HMCN1: variants seen among roughly 807,000 people sequenced by gnomAD.
The protein encoded by HMCN1 is hemicentin 1.
In HMCN1, 321 loss-of-function variants were observed where a neutral mutation model predicts 625.9. The ratio of observed to expected loss-of-function variants is 0.51; its 90% CI spans 0.47 to 0.56. The LOEUF (loss-of-function observed/expected upper bound fraction) is 0.56, where lower values mean the gene tolerates loss of function less well. Among genes scored for constraint, HMCN1 ranks in the 20% least tolerant of loss-of-function variants. The pLI is 0.00. For missense variants in HMCN1, 6,588 were observed against 6,887.3 expected (o/e 0.96, Z 1.54); for synonymous variants, 2,425 against 2,417.6 (o/e 1.00, Z -0.09).
chr1:185,964,029 G>A (rs941619545), intron 13 of HMCN1, 134 bp downstream of exon 13: 4 of 761,952 alleles, frequency 5.2e-6, no homozygotes, highest in Non-Finnish European at 8.7e-6. Flanking sequence ...TTCACACACT[G>A]ATTGAAGCAA....
At chr1:186,136,423 C>T (rs561352170) in intron 86 of HMCN1, among the ~76,000 whole-genome samples, 1 of 152,168 alleles carries the variant, frequency 6.6e-6, no homozygotes, top group East Asian at 1.9e-4. Context: ...ATCCAGGAAA[C>T]ATGACTCTAG....
At chr1:185,937,012 A>G (rs1571584211) in intron 11 of HMCN1, among the ~76,000 whole-genome samples, 1 of 152,360 alleles carries the variant, frequency 6.6e-6, no homozygotes. Flanking sequence ...CAAAATAAAT[A>G]AAACAGTGGA....
At chr1:185,966,334 A>G (rs931905948) in intron 14 of HMCN1, among the ~76,000 whole-genome samples, 6 of 152,204 alleles carry the variant, frequency 3.9e-5, no homozygotes, top group Non-Finnish European at 1.5e-5. Context: ...AAATAAAGAT[A>G]CACATTGAAG....
chr1:185,785,681 A>G (rs994572496), intron 1 of HMCN1, among the ~76,000 whole-genome samples: 1 of 152,184 alleles, frequency 6.6e-6, no homozygotes, highest in African/African-American at 2.4e-5. Context: ...AACTCCAGCA[A>G]TTCTGTTTTG....
chr1:186,068,921 G>T (rs958401836), intron 50 of HMCN1, among the ~76,000 whole-genome samples: 7 of 151,720 alleles, frequency 4.6e-5, no homozygotes, highest in Admixed American at 3.9e-4. Context: ...GGCACTGTAG[G>T]CTGAAGTGGT....
At chr1:186,125,962 A>G (rs970702266) in intron 82 of HMCN1, among the ~76,000 whole-genome samples, 168 bp downstream of exon 82, 2 of 152,192 alleles carry the variant, frequency 1.3e-5, no homozygotes, top group Non-Finnish European at 2.9e-5. Flanking sequence ...TTGAATGAGA[A>G]TAATATTTAA....
At chr1:186,008,093 A>T (rs1382194061) in intron 30 of HMCN1, among the ~76,000 whole-genome samples, 1 of 152,112 alleles carries the variant, frequency 6.6e-6, no homozygotes, top group African/African-American at 2.4e-5. Flanking sequence ...CTGATATTTG[A>T]TTGCTTAATT....
intron 2 of HMCN1, among the ~76,000 whole-genome samples, chr1:185,860,551 C>G (rs1450046840): frequency 1.3e-5 from 2 of 151,998 alleles, no homozygotes; most frequent in African/African-American, 4.8e-5. Flanking sequence ...TTCAAAGGAT[C>G]CTCCCACCTC....
chr1:185,844,705 T>A (rs2102315839), intron 1 of HMCN1, among the ~76,000 whole-genome samples: 1 of 152,342 alleles, frequency 6.6e-6, no homozygotes, highest in East Asian at 1.9e-4. Flanking sequence ...TTTAAGATGA[T>A]ATATCTAAGC....
chr1:186,151,078 T>C, intron 93 of HMCN1, 122 bp from the exon 94 acceptor site: 1 of 909,900 alleles, frequency 1.1e-6, no homozygotes. Context: ...TCAGATGTCA[T>C]ATGACCTTTT....
Position 185,867,391 on chromosome 1 carries a change from C to G in HMCN1, c.621+1528C>G, listed in dbSNP as rs1320199470. On this transcript the variant is annotated intron_variant, in intron 4 of 106. Coordinates refer to ENST00000271588, the MANE Select transcript of HMCN1 (RefSeq NM_031935.3). Reference sequence around the variant, plus strand: ...TCTCTCAGACACTGGGTTCCTTGTCCTATCTCATACACTGTACTTGAACCT... The same window carrying G: ...TCTCTCAGACACTGGGTTCCTTGTCGTATCTCATACACTGTACTTGAACCT... Among the ~76,000 whole-genome samples the G allele has an allele frequency of 7.2e-5, 11 of 152,262 alleles. No individual in the cohort carries two copies. In the East Asian group the frequency reaches 2.1e-3, roughly 29 times the overall value.
intron 40 of HMCN1, among the ~76,000 whole-genome samples, chr1:186,045,338 C>T (rs1656491134): frequency 6.6e-6 from 1 of 152,112 alleles, no homozygotes; most frequent in African/African-American, 2.4e-5. Context: ...TGCGTATTCA[C>T]TCTTAGCTTA....
chr1:186,181,259 A>G lies in HMCN1; in HGVS notation c.16295-909A>G, dbSNP rs1382694386. Among the ~76,000 whole-genome samples, 4 of 152,186 alleles carry G rather than the reference A, an allele frequency of 2.6e-5. No homozygotes were observed. In the South Asian group the frequency reaches 6.2e-4, roughly 24 times the overall value. On this transcript the variant is annotated intron_variant, in intron 104 of 106. Coordinates refer to ENST00000271588, the MANE Select transcript of HMCN1 (RefSeq NM_031935.3). ...ACTGGTTGGTGTATGCTCAGAGACT[A>G]TGAGCAAATTTTAATTTTAGTTAAA...
At chr1:186,056,120 A>G (rs1315503126) in intron 45 of HMCN1, among the ~76,000 whole-genome samples, 1 of 152,074 alleles carries the variant, frequency 6.6e-6, no homozygotes, top group African/African-American at 2.4e-5. Flanking sequence ...GTCAATAAGA[A>G]TAGACCAAAC....
intron 58 of HMCN1, among the ~76,000 whole-genome samples, chr1:186,086,642 G>A (rs987768906): frequency 1.5e-4 from 23 of 152,102 alleles, no homozygotes; most frequent in African/African-American, 5.3e-4. Flanking sequence ...AATTTAGAAA[G>A]AGAACAGCTT....
chr1:185,989,628 A>G lies in HMCN1; in HGVS notation c.3189A>G (p.Lys1063=), dbSNP rs1026567722. Reference sequence around the variant, plus strand: ...ATACAGCCGGCTACGCCAAAAGGAAAGTGCAGCTAACAGTCTATGGTGAGA... The same window carrying G: ...ATACAGCCGGCTACGCCAAAAGGAAGGTGCAGCTAACAGTCTATGGTGAGA... ...ATNTAGYAKR[K]VQLTVYVRPR... Residue 1063 remains lysine, a synonymous_variant, in exon 21 of 107, where the codon AAA becomes AAG. Transcript: ENST00000271588. 6.2e-7 allele frequency: 1 copy of G among 1,614,076 alleles called. No homozygotes were observed. The highest frequency in any genetic ancestry group is 8.5e-7 in the Non-Finnish European group (1 of 1,179,978).
intron 36 of HMCN1, among the ~76,000 whole-genome samples, chr1:186,029,539 G>GTTTTTTTTTTTTT (rs34307509): frequency 6.8e-6 from 1 of 147,912 alleles, no homozygotes. Flanking sequence ...TTCTCCTAAA[G>GTTTTTTTTTTTTT]TTTTTTTTTT....
intron 1 of HMCN1, among the ~76,000 whole-genome samples, chr1:185,746,948 G>A (rs1654447403): frequency 6.6e-6 from 1 of 152,028 alleles, no homozygotes; most frequent in Non-Finnish European, 1.5e-5. Flanking sequence ...TATTGGATTA[G>A]CGGCCCACGA....
intron 1 of HMCN1, among the ~76,000 whole-genome samples, chr1:185,793,008 G>A (rs1658107258): frequency 6.6e-6 from 1 of 152,050 alleles, no homozygotes; most frequent in African/African-American, 2.4e-5. Flanking sequence ...GCATTTCATT[G>A]GAAAAACAAC....
Sources: allele counts gnomAD v4.1 joint callset (sites outside exome capture counted in the v4.1 genomes callset), GRCh38; gene constraint gnomAD v4.1.1; transcripts MANE v1.5; gene names NCBI Gene and HGNC (gene_info 2026-07-23, HGNC 2026-07-21).